The following HECW1 variants were observed in gnomAD, a reference collection of about 807,000 sequenced individuals.
The protein encoded by HECW1 is E3 ubiquitin-protein ligase HECW1.
In HECW1, 61 loss-of-function variants were observed where a neutral mutation model predicts 182.3. The ratio of observed to expected loss-of-function variants is 0.33; its 90% CI spans 0.27 to 0.41. The LOEUF is 0.41. Among genes scored for constraint, HECW1 ranks in the 10% least tolerant of loss-of-function variants. The pLI, the probability that HECW1 is intolerant of heterozygous loss-of-function variation, is 1.00. For missense variants in HECW1, 1,739 were observed against 2,108.9 expected, an observed-to-expected ratio of 0.82 and a Z score of 3.44; for synonymous variants, 859 against 832.6, an observed-to-expected ratio of 1.03 and a Z score of -0.55.
chr7:43,147,507 A>T (rs956978962), intron 2 of HECW1: 3 of 152,264 alleles, frequency 2.0e-5, no homozygotes, highest in African/African-American at 7.2e-5. Context: ...GCAGAGCTAT[A>T]AAACTCAGTT....
intron 2 of HECW1, among the ~76,000 whole-genome samples, chr7:43,228,027 G>T (rs1335040938): frequency 6.6e-6 from 1 of 152,192 alleles, no homozygotes; most frequent in Non-Finnish European, 1.5e-5. Flanking sequence ...CCTCTATCTG[G>T]CTGGGAAGGG....
At chr7:43,404,018 G>A (rs187198830) in intron 7 of HECW1, among the ~76,000 whole-genome samples, 54 of 152,158 alleles carry the variant, frequency 3.5e-4, no homozygotes, top group African/African-American at 1.3e-3. Context: ...AGAACTCTAT[G>A]TGCTCTTATG....
chr7:43,420,447 A>T (rs2076142757), intron 8 of HECW1, among the ~76,000 whole-genome samples: 4 of 152,210 alleles, frequency 2.6e-5, no homozygotes. Flanking sequence ...CTTCTGTTTA[A>T]TATTGTGCTA....
chr7:43,455,873 C>T (rs1010535502), intron 12 of HECW1, among the ~76,000 whole-genome samples: 23 of 152,070 alleles, frequency 1.5e-4, no homozygotes, highest in African/African-American at 5.6e-4. Context: ...TGGTGGCAGG[C>T]ACCTGTAATC....
chr7:43,282,394 C>T (rs752918578), intron 3 of HECW1, among the ~76,000 whole-genome samples: 6 of 152,200 alleles, frequency 3.9e-5, no homozygotes, highest in Admixed American at 3.9e-4. Context: ...CAGGAGCTGG[C>T]GACAAGGGTC....
chr7:43,523,295 A>T (rs1180150993), intron 24 of HECW1: 1 of 188,736 alleles, frequency 5.3e-6, no homozygotes, highest in African/African-American at 2.4e-5. Flanking sequence ...ATGAGCCGCC[A>T]TGCCTGGCCT....
intron 8 of HECW1, among the ~76,000 whole-genome samples, chr7:43,411,228 CT>C (rs1258105868): frequency 6.6e-6 from 1 of 151,766 alleles, no homozygotes; most frequent in African/African-American, 2.4e-5. Flanking sequence ...CTTCATATTC[CT>C]TCTTTGACCC....
At chr7:43,166,255 G>A (rs1339112723) in intron 2 of HECW1, among the ~76,000 whole-genome samples, 2 of 152,138 alleles carry the variant, frequency 1.3e-5, no homozygotes, top group Non-Finnish European at 2.9e-5. Flanking sequence ...AGCTACTTTT[G>A]TATTTTTAGT....
intron 4 of HECW1, among the ~76,000 whole-genome samples, chr7:43,315,075 C>T (rs1341527262): frequency 1.3e-5 from 2 of 152,184 alleles, no homozygotes; most frequent in Non-Finnish European, 2.9e-5. Flanking sequence ...GTGATGCTTT[C>T]AGCATGGTAG....
intron 5 of HECW1, among the ~76,000 whole-genome samples, chr7:43,346,410 A>G (rs1813694202): frequency 1.3e-5 from 2 of 152,162 alleles, no homozygotes. Context: ...TCAGATGTAT[A>G]GATTGTGAAG....
chr7:43,365,674 A>G (rs2152816010), intron 6 of HECW1, among the ~76,000 whole-genome samples: 1 of 152,328 alleles, frequency 6.6e-6, no homozygotes, highest in East Asian at 1.9e-4. Flanking sequence ...GGCTCTTTCA[A>G]TGAGAAGTTG....
At chr7:43,465,400 G>A (rs36121841) in intron 14 of HECW1, among the ~76,000 whole-genome samples, 63,304 of 151,960 alleles carry the variant, frequency 0.42, 13,378 homozygotes, top group Middle Eastern at 0.55. Flanking sequence ...GCTGACCTGA[G>A]ATGGCTGCCA....
chr7:43,295,266 A>G (rs1805895855), intron 3 of HECW1, among the ~76,000 whole-genome samples: 1 of 152,108 alleles, frequency 6.6e-6, no homozygotes, highest in Non-Finnish European at 1.5e-5. Flanking sequence ...TCATTTTTAT[A>G]GTTGTGAGGG....
intron 2 of HECW1, among the ~76,000 whole-genome samples, chr7:43,122,342 T>C (rs981252931): frequency 6.6e-6 from 1 of 152,202 alleles, no homozygotes; most frequent in African/African-American, 2.4e-5. Context: ...TTCCAGGTGA[T>C]GCTCACTAGT....
intron 6 of HECW1, among the ~76,000 whole-genome samples, chr7:43,389,480 G>T (rs2152833222): frequency 6.6e-6 from 1 of 152,176 alleles, no homozygotes; most frequent in East Asian, 1.9e-4. Context: ...AGAACAGTCT[G>T]CACTACACAA....
intron 17 of HECW1, among the ~76,000 whole-genome samples, chr7:43,490,050 T>G (rs1265764554): frequency 1.3e-5 from 2 of 152,206 alleles, no homozygotes; most frequent in Admixed American, 1.3e-4. Flanking sequence ...TCTGTTACAT[T>G]AAATTAAACT....
At position 43,323,697 on chromosome 7, in the gene HECW1, A is replaced by G. The variant is rs184079154; in HGVS notation, c.460+2955A>G. Among the ~76,000 whole-genome samples, 5 of 152,308 alleles carry G rather than the reference A, an allele frequency of 3.3e-5. No homozygotes were observed. In the East Asian group the frequency reaches 5.8e-4, roughly 18 times the overall value. ...AACATTGGCATAATGGAATGAAAGC[A>G]TATTCAAACTTGGTCAAGCAGCAGC... is the stretch of plus-strand genomic sequence containing the variant. On this transcript the variant is annotated intron_variant, in intron 5 of 29. Transcript: ENST00000395891.
chr7:43,136,170 C>G (rs17709008), intron 2 of HECW1, among the ~76,000 whole-genome samples: 23,245 of 152,030 alleles, frequency 0.15, 2,009 homozygotes, highest in South Asian at 0.23. Context: ...TATGTGGGTT[C>G]TGCCTGAATC....
intron 3 of HECW1, among the ~76,000 whole-genome samples, chr7:43,266,624 G>A (rs1293127106): frequency 1.3e-5 from 2 of 152,110 alleles, no homozygotes; most frequent in Admixed American, 6.6e-5. Flanking sequence ...GTGAGCCACC[G>A]TGCCCGGCCT....
Sources: gnomAD v4.1 joint callset for allele counts (sites outside exome capture counted in the v4.1 genomes callset) on GRCh38, gnomAD v4.1.1 for gene constraint, MANE v1.5 for transcripts, NCBI Gene and HGNC (gene_info 2026-07-23, HGNC 2026-07-21) for gene names.